GLP1R: variants seen among roughly 807,000 people sequenced by gnomAD.
GLP1R encodes the protein glucagon-like peptide 1 receptor.
A neutral mutation model predicts 68.4 loss-of-function variants in GLP1R; 32 were observed. The ratio of observed to expected loss-of-function variants is 0.47; its 90% CI spans 0.35 to 0.63. The LOEUF (loss-of-function observed/expected upper bound fraction) is 0.63. Among genes scored for constraint, GLP1R ranks in the 20% least tolerant of loss-of-function variants. The pLI, the probability that GLP1R is intolerant of heterozygous loss-of-function variation, is 0.00. For missense variants in GLP1R, 502 were observed against 594.9 expected (o/e 0.84, Z 1.62); for synonymous variants, 263 against 244.4 (o/e 1.08, Z -0.71).
At position 39,091,272 on chromosome 6, in the gene GLP1R, T is replaced by C. The variant is rs923190338; in HGVS notation, c.*5199T>C. On this transcript the variant is annotated 3_prime_UTR_variant, in exon 13 of 13. Transcript: ENST00000373256. ...ATGCAGACTCTTTCCTAATTTGCCT[T>C]GTAAGCCAAATAAAAGTCTGTCTCT... 2.0e-5 allele frequency among the ~76,000 whole-genome samples: 3 copies of C among 152,256 alleles called. No individual in the cohort carries two copies. Among genetic ancestry groups the C allele is most frequent in the African/African-American group, 7.2e-5 (3 of 41,468 alleles).
chr6:39,081,495 C>T (rs1769013509), intron 12 of GLP1R, among the ~76,000 whole-genome samples: 1 of 152,206 alleles, frequency 6.6e-6, no homozygotes, highest in Admixed American at 6.5e-5. Flanking sequence ...TCCCTCCCAT[C>T]CCTGAGATGG....
rs577337516 is a variant in GLP1R at position 39,082,383 on chromosome 6, T to C, written c.1224+1644T>C. 2.8e-4 allele frequency among the ~76,000 whole-genome samples: 42 copies of C among 152,246 alleles called. 1 individual carries two copies. Among genetic ancestry groups the C allele is most frequent in the Admixed American group, 2.4e-3 (36 of 15,300 alleles). On this transcript the variant is annotated intron_variant, in intron 12 of 12. Coordinates refer to ENST00000373256, the MANE Select transcript of GLP1R (RefSeq NM_002062.5). ...AATAGACAGAAGATGGTAGAGCTAG[T>C]GGGCTGTGGCGGGGGCAAGATCCCA...
rs987410848 is a variant in GLP1R, at chr6:39,090,064, A to G, written c.*3991A>G. Among the ~76,000 whole-genome samples, 2 of 152,224 alleles carry G rather than the reference A, an allele frequency of 1.3e-5. No homozygotes were observed. The highest frequency in any genetic ancestry group is 4.8e-5 in the African/African-American group (2 of 41,468). Reference sequence around the variant, plus strand: ...TGTGGCTGGAATGAGTTCCCCTGGGAAAGAAAATCGCCCAAGTGAGAAACT... The same window carrying G: ...TGTGGCTGGAATGAGTTCCCCTGGGGAAGAAAATCGCCCAAGTGAGAAACT... On this transcript the variant is annotated 3_prime_UTR_variant, in exon 13 of 13. Transcript: ENST00000373256.
chr6:39,057,336 G>C (rs1216517052), intron 2 of GLP1R, 136 bp from the exon 3 acceptor site: 7 of 639,700 alleles, frequency 1.1e-5, no homozygotes, highest in Non-Finnish European at 2.0e-5. Context: ...TGGGGAAAGT[G>C]CTTGGCATAC....
chr6:39,048,851 C>G lies in GLP1R; in HGVS notation c.11C>G (p.Ala4Gly). The part of the protein sequence containing the change: MAG[A>G]PGPLRLALLL... ...CCTGAACTCCCCGCCATGGCCGGCGCCCCCGGCCCGCTGCGCCTTGCGCTG... is the reference window on the plus strand; with the variant it reads ...CCTGAACTCCCCGCCATGGCCGGCGGCCCCGGCCCGCTGCGCCTTGCGCTG... The change falls in exon 1 of 13, where the codon GCC becomes GGC. Residue 4 changes from alanine (A) to glycine (G), a missense_variant. Physicochemically the swap from Ala to Gly is moderately conservative, Grantham distance 60 (BLOSUM62 0). Transcript: ENST00000373256. 6.8e-7 allele frequency: 1 copy of G among 1,475,106 alleles called. No homozygotes were observed. Among genetic ancestry groups the G allele is most frequent in the Non-Finnish European group, 9.0e-7 (1 of 1,106,230 alleles). 91.4% of individuals were successfully genotyped at this position (1,475,106 alleles called of 1,614,324 possible). A position where few individuals can be genotyped will look rare whatever the true frequency, so the allele number is the denominator to read the frequency against.
chr6:39,061,448 A>T (rs1427245183), intron 3 of GLP1R, among the ~76,000 whole-genome samples: 1 of 152,202 alleles, frequency 6.6e-6, no homozygotes, highest in Non-Finnish European at 1.5e-5. Context: ...GAGTCATAAA[A>T]TGCTTTAAAA....
chr6:39,074,110 G>A (rs536541899), intron 7 of GLP1R, among the ~76,000 whole-genome samples: 1 of 152,260 alleles, frequency 6.6e-6, no homozygotes, highest in East Asian at 1.9e-4. Context: ...CGGGCAGCCC[G>A]AGGGCCTGAG....
At chr6:39,066,163 G>T in intron 4 of GLP1R, 34 bp from the exon 5 acceptor site, 1 of 1,199,202 alleles carries the variant, frequency 8.3e-7, no homozygotes, top group Non-Finnish European at 1.2e-6. Flanking sequence ...GCCATGGGCT[G>T]CCCATGTACA....
At chr6:39,058,707 A>G (rs939392080) in intron 3 of GLP1R, among the ~76,000 whole-genome samples, 1 of 151,316 alleles carries the variant, frequency 6.6e-6, no homozygotes, top group Non-Finnish European at 1.5e-5. Flanking sequence ...GCCAGCATTT[A>G]TTGAGTACCT....
intron 1 of GLP1R, among the ~76,000 whole-genome samples, chr6:39,053,999 G>T (rs147048427): frequency 2.0e-5 from 3 of 152,106 alleles, no homozygotes; most frequent in African/African-American, 7.2e-5. Context: ...CCCTCCTGCT[G>T]AAGTGCCCGC....
chr6:39,065,589 C>G, intron 3 of GLP1R, 122 bp from the exon 4 acceptor site: 1 of 621,542 alleles, frequency 1.6e-6, no homozygotes, highest in Non-Finnish European at 2.9e-6. Context: ...GTCACTAACT[C>G]AGAGTAGTCC....
chr6:39,057,148 A>G (rs1053255626), intron 2 of GLP1R, among the ~76,000 whole-genome samples: 18 of 152,042 alleles, frequency 1.2e-4, no homozygotes, highest in Non-Finnish European at 4.4e-5. Flanking sequence ...GCCCATAGGG[A>G]TTTTTCATTG....
intron 3 of GLP1R, among the ~76,000 whole-genome samples, chr6:39,057,830 G>A (rs868808055): frequency 2.9e-5 from 3 of 103,310 alleles, no homozygotes; most frequent in East Asian, 3.0e-4. Flanking sequence ...GGTACCTGCC[G>A]TGGGTCAGCA....
chr6:39,076,587 G>T (rs536765675), intron 7 of GLP1R, among the ~76,000 whole-genome samples: 1 of 152,300 alleles, frequency 6.6e-6, no homozygotes, highest in East Asian at 1.9e-4. Context: ...ATAGACAATG[G>T]TGACAGGAAA....
chr6:39,063,144 C>T (rs533905530), intron 3 of GLP1R, among the ~76,000 whole-genome samples: 1 of 152,320 alleles, frequency 6.6e-6, no homozygotes, highest in Non-Finnish European at 1.5e-5. Flanking sequence ...CCTCAACCTT[C>T]TTCCTTTCTC....
At position 39,084,324 on chromosome 6, in the gene GLP1R, C is replaced by T. The variant is rs139839760; in HGVS notation, c.1225-1582C>T. Among the ~76,000 whole-genome samples the T allele has an allele frequency of 6.2e-4, 94 of 152,312 alleles. No individual in the cohort carries two copies. In the East Asian group the frequency reaches 0.013, roughly 21 times the overall value. ...AAATATGGTGATTTTCAAGGACAAT[C>T]GTGATTACAGGGGTCACAGCAGAGG... On this transcript the variant is annotated intron_variant, in intron 12 of 12. Coordinates refer to ENST00000373256, the MANE Select transcript of GLP1R (RefSeq NM_002062.5).
At chr6:39,057,907 G>A (rs915004208) in intron 3 of GLP1R, among the ~76,000 whole-genome samples, 3 of 152,090 alleles carry the variant, frequency 2.0e-5, no homozygotes, top group Admixed American at 6.6e-5. Context: ...CTCCCCCACC[G>A]TCCCCTGTAT....
Position 39,072,931 on chromosome 6 carries a change from C to T in GLP1R, c.579C>T (p.Ser193=), listed in dbSNP as rs143390990. The change falls in exon 6 of 13, where the codon TCC becomes TCT. Residue 193 remains serine, a synonymous_variant. Transcript: ENST00000373256. ...LFASFILRAL[S]VFIKDAALKW... ...CATCCTTCATCCTGCGAGCATTGTCCGTCTTCATCAAGGACGCAGCCCTGA... is the reference window on the plus strand; with the variant it reads ...CATCCTTCATCCTGCGAGCATTGTCTGTCTTCATCAAGGACGCAGCCCTGA... 117 of 1,613,948 alleles carry T rather than the reference C, an allele frequency of 7.2e-5. No homozygotes were observed. Among genetic ancestry groups the T allele is most frequent in the Admixed American group, 2.0e-4 (12 of 60,002 alleles).
intron 3 of GLP1R, among the ~76,000 whole-genome samples, chr6:39,061,769 G>C (rs1399507894): frequency 1.3e-5 from 2 of 152,212 alleles, no homozygotes; most frequent in South Asian, 2.1e-4. Context: ...GAGGCCTGAG[G>C]ATGTGAAGGG....
Sources: allele counts gnomAD v4.1 joint callset (sites outside exome capture counted in the v4.1 genomes callset), GRCh38; gene constraint gnomAD v4.1.1; transcripts MANE v1.5; gene names NCBI Gene and HGNC (gene_info 2026-07-23, HGNC 2026-07-21).